RANBP10: variants seen among roughly 807,000 people sequenced by gnomAD.
RANBP10 encodes ran-binding protein 10.
RANBP10 carries 24 observed loss-of-function variants against 72.8 expected under a neutral mutation model. The ratio of observed to expected loss-of-function variants is 0.33; its 90% CI spans 0.24 to 0.46. The LOEUF is 0.46. Ranked by LOEUF, RANBP10 falls within the 20% of genes least tolerant of loss-of-function variation. The pLI, the probability that RANBP10 is intolerant of heterozygous loss-of-function variation, is 1.00. For synonymous variants in RANBP10, 310 were observed against 322.3 expected (o/e 0.96, Z 0.41); for missense variants, 679 against 817.5 (o/e 0.83, Z 2.07).
Position 67,729,688 on chromosome 16 carries a change from T to C in RANBP10, c.1139A>G (p.His380Arg). The C allele has an allele frequency of 6.2e-7, 1 of 1,611,654 alleles. No individual in the cohort carries two copies. Among genetic ancestry groups the C allele is most frequent in the South Asian group, 1.1e-5 (1 of 90,750 alleles). Reference sequence around the variant, plus strand: ...TCTGGAGAGTGGCTGACCTGTGTTGTGCATGTGGGAACTACTGGGGCCATG... The same window carrying C: ...TCTGGAGAGTGGCTGACCTGTGTTGCGCATGTGGGAACTACTGGGGCCATG... The part of the protein sequence containing the change: ...PRHGPSSSHM[H>R]NTGADSPSCS... The change falls in exon 9 of 14, where the codon CAC (histidine) becomes CGC (arginine). Residue 380 changes from histidine to arginine, a missense_variant. By Grantham distance (29) the His-to-Arg change is conservative (BLOSUM62 0). Coordinates refer to ENST00000317506, the MANE Select transcript of RANBP10 (RefSeq NM_020850.3). This position sits in a 1 kb window ranked among gnomAD's most constrained non-coding sequence, Gnocchi z 7.1.
chr16:67,788,074 T>A (rs1348691218), intron 2 of RANBP10, among the ~76,000 whole-genome samples: 1 of 152,120 alleles, frequency 6.6e-6, no homozygotes, highest in Non-Finnish European at 1.5e-5. Flanking sequence ...CTTGACCTCA[T>A]GATCCACCCG....
intron 3 of RANBP10, among the ~76,000 whole-genome samples, chr16:67,752,020 T>C (rs2054207195): frequency 6.6e-6 from 1 of 151,780 alleles, no homozygotes; most frequent in South Asian, 2.1e-4. Flanking sequence ...CACCATCACC[T>C]CAGTTTGGCT....
chr16:67,774,085 TACCTCAGCTGACCAAGCAGCAAACG>T (rs1271388053), intron 2 of RANBP10, among the ~76,000 whole-genome samples: 1 of 152,216 alleles, frequency 6.6e-6, no homozygotes, highest in African/African-American at 2.4e-5. Context: ...ATTCCTTCAG[TACCTCAGCTGACCAAGCAGCAAACG>T]ACCCCAGCTG....
At chr16:67,750,025 A>T (rs1243352413) in intron 3 of RANBP10, among the ~76,000 whole-genome samples, 2 of 152,246 alleles carry the variant, frequency 1.3e-5, no homozygotes, top group African/African-American at 4.8e-5. Context: ...CAAGGCAGTA[A>T]CTGACAACAA....
chr16:67,785,322 A>T (rs1196592787), intron 2 of RANBP10, among the ~76,000 whole-genome samples: 2 of 152,196 alleles, frequency 1.3e-5, no homozygotes, highest in Non-Finnish European at 2.9e-5. Context: ...CTTAGAAGAA[A>T]GCGTAAGGGT....
At chr16:67,770,460 A>G (rs1391919546) in intron 3 of RANBP10, among the ~76,000 whole-genome samples, 1 of 152,116 alleles carries the variant, frequency 6.6e-6, no homozygotes, top group Non-Finnish European at 1.5e-5. Flanking sequence ...AGTGATTCAC[A>G]TTAAACATTG....
chr16:67,778,084 T>C (rs553177643), intron 2 of RANBP10, among the ~76,000 whole-genome samples: 1 of 152,300 alleles, frequency 6.6e-6, no homozygotes. Flanking sequence ...GTGCGGTGGC[T>C]CACGCCTGTA....
Position 67,726,138 on chromosome 16 carries a change from C to T in RANBP10, c.*290G>A, listed in dbSNP as rs1183242112. On this transcript the variant is annotated 3_prime_UTR_variant, in exon 14 of 14. Transcript: ENST00000317506. ...GGAGAAAAAAATTTAAAAACCCCAA[C>T]CCCTCCTCAAAACAAAACCCCCCTT... is the stretch of plus-strand genomic sequence containing the variant. 1.2e-5 allele frequency: 4 copies of T among 345,808 alleles called. No individual in the cohort carries two copies. The highest frequency in any genetic ancestry group is 4.3e-5 in the African/African-American group (2 of 46,342). The allele number at this position is 345,808 out of a possible 1,614,324, so 21.4% of individuals were successfully genotyped here.
chr16:67,759,017 C>G (rs914986116), intron 3 of RANBP10, among the ~76,000 whole-genome samples: 1 of 152,344 alleles, frequency 6.6e-6, no homozygotes, highest in Admixed American at 6.5e-5. Flanking sequence ...GGCAGGGAAG[C>G]AGAGAGCAAA....
At chr16:67,769,181 C>A (rs2054559704) in intron 3 of RANBP10, among the ~76,000 whole-genome samples, 1 of 152,058 alleles carries the variant, frequency 6.6e-6, no homozygotes, top group Non-Finnish European at 1.5e-5. Flanking sequence ...GTGGCTCATG[C>A]CTGTAATCTC....
rs143924762 is a variant in RANBP10, at chr16:67,728,393, T to C, written c.1471A>G (p.Met491Val). 3.3e-5 allele frequency: 53 copies of C among 1,613,992 alleles called. No homozygotes were observed. Among genetic ancestry groups the C allele is most frequent in the Non-Finnish European group, 4.2e-5 (49 of 1,180,002 alleles). Residue 491 changes from methionine (M) to valine (V), a missense_variant, in exon 11 of 14, where the codon ATG (methionine) becomes GTG (valine). By Grantham distance (21) the Met-to-Val change is conservative (BLOSUM62 1). Transcript: ENST00000317506. ...HEDLQTDESS[M>V]DDRHPRRQLC... is the part of the protein sequence containing the mutation. ...CACACCGGGCCGTGGCTCTCACCCA[T>C]GCTGGACTCATCCGTCTGCAGGTCC... is the stretch of plus-strand genomic sequence containing the variant.
intron 2 of RANBP10, among the ~76,000 whole-genome samples, chr16:67,782,480 C>A (rs2054830928): frequency 6.6e-6 from 1 of 151,212 alleles, no homozygotes; most frequent in Non-Finnish European, 1.5e-5. Context: ...GAGACGAAGT[C>A]TTGCTCTGTC....
chr16:67,746,242 G>A lies in RANBP10; in HGVS notation c.401-1787C>T, dbSNP rs537296796. Among the ~76,000 whole-genome samples the A allele has an allele frequency of 3.9e-5, 6 of 152,252 alleles. No individual in the cohort carries two copies. In the East Asian group the frequency reaches 1.2e-3, roughly 29 times the overall value. ...CGCACCTGTAATCCCAGCACTTTGG[G>A]AGGACGAGGCGAGCGGATCATGAGG... is the stretch of plus-strand genomic sequence containing the variant. On this transcript the variant is annotated intron_variant, in intron 3 of 13. Transcript: ENST00000317506.
chr16:67,790,352 G>A (rs2055001170), intron 2 of RANBP10, among the ~76,000 whole-genome samples: 1 of 151,722 alleles, frequency 6.6e-6, no homozygotes. Context: ...TTGGGGTGAT[G>A]GAAAAGTTCT....
chr16:67,771,853 G>C (rs2054612634), intron 3 of RANBP10, among the ~76,000 whole-genome samples, 181 bp downstream of exon 3: 1 of 152,036 alleles, frequency 6.6e-6, no homozygotes, highest in African/African-American at 2.4e-5. Context: ...TTAATTTTTG[G>C]AATGGAAATG....
In RANBP10 at chr16:67,769,745, CAAAAAAAAAAAAAA is replaced by C. The variant is rs58319144; in HGVS notation, c.400+2275_400+2288del. On this transcript the variant is annotated intron_variant, in intron 3 of 13. Transcript: ENST00000317506. ...TGGGCGAAAGAGCAAGACTCCGTCT[CAAAAAAAAAAAAAA>C]AAAAAAAAAAAAAAAAAGAGTCCTT... Among the ~76,000 whole-genome samples, 20 of 27,762 alleles carry C rather than the reference CAAAAAAAAAAAAAA, an allele frequency of 7.2e-4. No homozygotes were observed. In the South Asian group the frequency reaches 0.022, roughly 31 times the overall value. 18.2% of individuals were successfully genotyped at this position (27,762 alleles called of 152,430 possible).
chr16:67,731,476 T>G lies in RANBP10; in HGVS notation c.885A>C (p.Arg295Ser). Reference protein sequence around the residue: ...IQEEQASIKNRQKIQKLVLEG... With the variant: ...IQEEQASIKNSQKIQKLVLEG... ...GGAAAGTAGAATAAACCTTACTTTGTCTGTTCTTTATGGACGCCTGTTCTT... is the reference window on the plus strand; with the variant it reads ...GGAAAGTAGAATAAACCTTACTTTGGCTGTTCTTTATGGACGCCTGTTCTT... The change falls in exon 7 of 14, where the codon AGA (arginine) becomes AGC (serine). Residue 295 changes from arginine (R) to serine (S), a missense_variant. Arg to Ser is a moderately radical substitution (Grantham distance 110). Coordinates refer to ENST00000317506, the MANE Select transcript of RANBP10 (RefSeq NM_020850.3). The G allele has an allele frequency of 6.2e-7, 1 of 1,611,412 alleles. No individual in the cohort carries two copies. The highest frequency in any genetic ancestry group is 8.5e-7 in the Non-Finnish European group (1 of 1,177,504).
chr16:67,778,336 C>T (rs549043704), intron 2 of RANBP10, among the ~76,000 whole-genome samples: 3 of 151,268 alleles, frequency 2.0e-5, no homozygotes, highest in African/African-American at 4.9e-5. Context: ...GCACCAAGAG[C>T]GAAACTCTGT....
chr16:67,744,205 T>C (rs774773513), intron 4 of RANBP10, 83 bp downstream of exon 4: 4 of 1,539,176 alleles, frequency 2.6e-6, no homozygotes, highest in Non-Finnish European at 3.5e-6. Context: ...GAGGCGACAC[T>C]GCCTTGAGCA....
Sources: allele counts gnomAD v4.1 joint callset (sites outside exome capture counted in the v4.1 genomes callset), GRCh38; gene constraint gnomAD v4.1.1; non-coding constraint Gnocchi (gnomAD v3.1); transcripts MANE v1.5; gene names NCBI Gene and HGNC (gene_info 2026-07-23, HGNC 2026-07-21).